The following PDE3B variants were observed in gnomAD, a reference collection of about 807,000 sequenced individuals.
PDE3B encodes cGMP-inhibited 3',5'-cyclic phosphodiesterase 3B.
A neutral mutation model predicts 116.8 loss-of-function variants in PDE3B; 66 were observed. The ratio of observed to expected loss-of-function variants is 0.56; its 90% CI spans 0.46 to 0.69. The LOEUF (loss-of-function observed/expected upper bound fraction) is 0.69, where lower values mean the gene tolerates loss of function less well. Among genes scored for constraint, PDE3B ranks in the 30% least tolerant of loss-of-function variants. The probability of loss-of-function intolerance (pLI) is 0.00; values close to 1 mark genes in which losing one functional copy is unlikely to be tolerated. For missense variants in PDE3B, 1,384 were observed against 1,368.1 expected, an observed-to-expected ratio of 1.01 and a Z score of -0.18; for synonymous variants, 595 against 533.6, an observed-to-expected ratio of 1.12 and a Z score of -1.59.
At chr11:14,731,932 G>A (rs1463328897) in intron 1 of PDE3B, among the ~76,000 whole-genome samples, 1 of 152,116 alleles carries the variant, frequency 6.6e-6, no homozygotes, top group Non-Finnish European at 1.5e-5. Flanking sequence ...ATAAGTAAGT[G>A]CTGTGGAGGA....
At chr11:14,890,736 G>A in the PDE3B span, among the ~76,000 whole-genome samples, 9 of 152,022 alleles carry the variant, frequency 5.9e-5, no homozygotes, top group African/African-American at 2.2e-4. Flanking sequence ...TTTTAGTAGA[G>A]ATGGGGTTTC....
chr11:14,801,276 A>G (rs1858753153), intron 4 of PDE3B, among the ~76,000 whole-genome samples: 1 of 152,030 alleles, frequency 6.6e-6, no homozygotes, highest in South Asian at 2.1e-4. Context: ...GTTTCTCCCC[A>G]TCTTTGTGGA....
chr11:14,695,316 TTGAA>T (rs1855171314), intron 1 of PDE3B, among the ~76,000 whole-genome samples: 1 of 152,176 alleles, frequency 6.6e-6, no homozygotes, highest in Non-Finnish European at 1.5e-5. Flanking sequence ...GTTCCATAGT[TTGAA>T]TGGACCACAA....
chr11:14,786,815 G>A (rs894736468), intron 3 of PDE3B, 130 bp downstream of exon 3: 1 of 664,750 alleles, frequency 1.5e-6, no homozygotes, highest in Non-Finnish European at 2.6e-6. Flanking sequence ...AGCTGCTTGG[G>A]ATGTTAGAGG....
intron 2 of PDE3B, chr11:14,772,601 C>T (rs984280685): frequency 1.4e-4 from 21 of 151,926 alleles, no homozygotes; most frequent in African/African-American, 4.3e-4. Flanking sequence ...AAATCCTATC[C>T]GACTTCTAAT....
intron 7 of PDE3B, among the ~76,000 whole-genome samples, chr11:14,822,377 A>T (rs1859547123): frequency 6.6e-6 from 1 of 152,260 alleles, no homozygotes; most frequent in Non-Finnish European, 1.5e-5. Flanking sequence ...GGGTGAGTAC[A>T]TACAGCACCT....
At chr11:14,838,002 G>A (rs752771613) in intron 11 of PDE3B, among the ~76,000 whole-genome samples, 18 of 149,904 alleles carry the variant, frequency 1.2e-4, no homozygotes, top group Non-Finnish European at 2.4e-4. Flanking sequence ...TTTTTGAGAC[G>A]GAGTCTCACT....
intron 1 of PDE3B, among the ~76,000 whole-genome samples, chr11:14,703,423 T>G (rs1855431487): frequency 6.6e-6 from 1 of 151,708 alleles, no homozygotes; most frequent in Admixed American, 6.6e-5. Context: ...TTGTCTTTTT[T>G]TTTTTAATAC....
chr11:14,818,267 A>C lies in PDE3B; in HGVS notation c.1607A>C (p.Glu536Ala), dbSNP rs757281661. Reference sequence around the variant, plus strand: ...TCTCTAACTAATCGATCACCCATAGAATTTCCTGATACTGCTGATTTTCTT... The same window carrying C: ...TCTCTAACTAATCGATCACCCATAGCATTTCCTGATACTGCTGATTTTCTT... ...TGSLTNRSPI[E>A]FPDTADFLNK... The change falls in exon 6 of 16, where the codon GAA (glutamate) becomes GCA (alanine). Residue 536 changes from glutamate (E) to alanine (A), a missense_variant. Glu to Ala is a moderately radical substitution (Grantham distance 107). Coordinates refer to ENST00000282096, the MANE Select transcript of PDE3B (RefSeq NM_000922.4). 3.7e-6 allele frequency: 6 copies of C among 1,613,650 alleles called. No individual in the cohort carries two copies. Among genetic ancestry groups the C allele is most frequent in the Non-Finnish European group, 5.1e-6 (6 of 1,179,676 alleles).
intron 1 of PDE3B, among the ~76,000 whole-genome samples, chr11:14,662,767 A>G (rs1439298386): frequency 1.3e-5 from 2 of 151,952 alleles, no homozygotes; most frequent in Admixed American, 6.6e-5. Context: ...AAAAGAGAAT[A>G]ACAAGAAACG....
At chr11:14,863,179 G>A (rs770225944) in intron 14 of PDE3B, among the ~76,000 whole-genome samples, 3 of 152,092 alleles carry the variant, frequency 2.0e-5, no homozygotes, top group Non-Finnish European at 4.4e-5. Context: ...ATGGTTTCCA[G>A]CTTCATCTAT....
chr11:14,859,265 T>C lies in PDE3B; in HGVS notation c.2724+19T>C. On this transcript the variant is annotated intron_variant, in intron 13 of 15. Coordinates refer to ENST00000282096, the MANE Select transcript of PDE3B (RefSeq NM_000922.4). ...TGCCAAGGTTTGTTATGAAAATTAG[T>C]GCCTGATTTAAAAAATCTTTATTGT... The C allele has an allele frequency of 6.4e-7, 1 of 1,552,866 alleles. No homozygotes were observed. Among genetic ancestry groups the C allele is most frequent in the South Asian group, 1.2e-5 (1 of 85,320 alleles).
At chr11:14,891,874 G>A in the PDE3B span, 4 of 1,440,386 alleles carry the variant, frequency 2.8e-6, no homozygotes, top group Non-Finnish European at 3.7e-6. Context: ...ACACGGAGAG[G>A]TCCCGACTAG....
chr11:14,847,769 C>A (rs954643675), intron 12 of PDE3B, among the ~76,000 whole-genome samples: 2 of 152,070 alleles, frequency 1.3e-5, no homozygotes, highest in South Asian at 4.1e-4. Context: ...ACACATACAC[C>A]CTCCCAAGAC....
At chr11:14,763,377 G>C (rs531302280) in intron 1 of PDE3B, among the ~76,000 whole-genome samples, 1 of 152,168 alleles carries the variant, frequency 6.6e-6, no homozygotes, top group East Asian at 1.9e-4. Flanking sequence ...CCTGATTAGA[G>C]TCAACTTACC....
intron 1 of PDE3B, among the ~76,000 whole-genome samples, chr11:14,716,329 A>T (rs949279491): frequency 4.6e-5 from 7 of 152,144 alleles, no homozygotes; most frequent in Non-Finnish European, 7.4e-5. Flanking sequence ...GCAAGGCGGC[A>T]GCGAGGCTGG....
At chr11:14,812,166 C>G (rs1009945767) in intron 5 of PDE3B, among the ~76,000 whole-genome samples, 1 of 151,978 alleles carries the variant, frequency 6.6e-6, no homozygotes, top group African/African-American at 2.4e-5. Context: ...TGGAAATATT[C>G]CAGAATTAGA....
intron 1 of PDE3B, among the ~76,000 whole-genome samples, chr11:14,717,603 G>A (rs993206370): frequency 2.3e-5 from 2 of 85,830 alleles, no homozygotes; most frequent in Non-Finnish European, 4.7e-5. Context: ...AGAAGAGAGT[G>A]GGGGCCAATA....
rs1032261948 is a variant in PDE3B, at chr11:14,711,711, T to C, written c.979-60226T>C. On this transcript the variant is annotated intron_variant, in intron 1 of 15. Coordinates refer to ENST00000282096, the MANE Select transcript of PDE3B (RefSeq NM_000922.4). ...CTCCCACCAGGTCCCACCTCCAACA[T>C]TGGGGATTACAATTCAACATGAGAT... Among the ~76,000 whole-genome samples, 13 of 152,180 alleles carry C rather than the reference T, an allele frequency of 8.5e-5. No homozygotes were observed. The East Asian group carries it at 2.5e-3, about 29-fold the overall frequency.
Sources: allele counts gnomAD v4.1 joint callset (sites outside exome capture counted in the v4.1 genomes callset), GRCh38; gene constraint gnomAD v4.1.1; transcripts MANE v1.5; gene names NCBI Gene and HGNC (gene_info 2026-07-23, HGNC 2026-07-21).